Variants in ESF1 observed in about 807,000 individuals in gnomAD.
ESF1 encodes ESF1 homolog.
A neutral mutation model predicts 92.0 loss-of-function variants in ESF1; 58 were observed. The ratio of observed to expected loss-of-function variants is 0.63; its 90% CI spans 0.51 to 0.78. ESF1 has a LOEUF of 0.78. ESF1 is among the 30% of genes least tolerant of loss of function. The pLI, the probability that ESF1 is intolerant of heterozygous loss-of-function variation, is 0.00. For missense variants in ESF1, 922 were observed against 989.1 expected, an observed-to-expected ratio of 0.93 and a Z score of 0.91; for synonymous variants, 321 against 313.7, an observed-to-expected ratio of 1.02 and a Z score of -0.24.
intron 9 of ESF1, among the ~76,000 whole-genome samples, chr20:13,748,574 GTATA>G (rs1433666503): frequency 3.5e-5 from 1 of 28,924 alleles, no homozygotes. Flanking sequence ...ATGTGTGTGT[GTATA>G]TATATATATA....
chr20:13,726,583 C>A (rs145876721), intron 11 of ESF1, among the ~76,000 whole-genome samples: 58 of 152,296 alleles, frequency 3.8e-4, no homozygotes, highest in African/African-American at 1.4e-3. Context: ...TCTTCTATTT[C>A]TTTCCTTGAA....
Position 13,775,240 on chromosome 20 carries a change from C to G in ESF1, c.1066G>C (p.Asp356His). 6.2e-7 allele frequency: 1 copy of G among 1,610,392 alleles called. No individual in the cohort carries two copies. Among genetic ancestry groups the G allele is most frequent in the Non-Finnish European group, 8.5e-7 (1 of 1,178,756 alleles). The change falls in exon 4 of 14, where the codon GAC (aspartate) becomes CAC (histidine). Residue 356 changes from aspartate to histidine, a missense_variant. Asp to His is a moderately conservative substitution (Grantham distance 81). Coordinates refer to ENST00000617257, the MANE Select transcript of ESF1 (RefSeq NM_001276380.2). ...ITRRLAVCNM[D>H]WDRLKAKDLL... ...TCTTTTGCCTTTAATCTATCCCAGT[C>G]CATGTTACAAACTGCTAATCGACGT...
At chr20:13,781,759 TACTC>T (rs1463957173) in intron 2 of ESF1, among the ~76,000 whole-genome samples, 1 of 152,230 alleles carries the variant, frequency 6.6e-6, no homozygotes, top group Non-Finnish European at 1.5e-5. Context: ...GACGACGCCT[TACTC>T]ATATTCTGCC....
intron 9 of ESF1, among the ~76,000 whole-genome samples, chr20:13,746,835 T>C (rs1174231047): frequency 6.6e-6 from 1 of 152,224 alleles, no homozygotes; most frequent in African/African-American, 2.4e-5. Flanking sequence ...TCAAACTTGA[T>C]TTTTCTTCTT....
chr20:13,740,516 T>C (rs1194166937), intron 9 of ESF1, among the ~76,000 whole-genome samples: 3 of 152,148 alleles, frequency 2.0e-5, no homozygotes, highest in Non-Finnish European at 4.4e-5. Context: ...AGTTATCAGA[T>C]TCAGAGTTAG....
intron 8 of ESF1, among the ~76,000 whole-genome samples, chr20:13,764,354 T>A (rs1979334052): frequency 6.6e-6 from 1 of 152,082 alleles, no homozygotes; most frequent in African/African-American, 2.4e-5. Flanking sequence ...GGCAACCAGT[T>A]TCCAAACAGA....
intron 12 of ESF1, among the ~76,000 whole-genome samples, chr20:13,718,253 T>C (rs960721764): frequency 2.6e-5 from 4 of 152,230 alleles, no homozygotes; most frequent in African/African-American, 9.6e-5. Context: ...TCCATAAAAA[T>C]TGATTTTCTT....
chr20:13,732,463 C>T (rs1036624306), intron 10 of ESF1, among the ~76,000 whole-genome samples: 11 of 152,118 alleles, frequency 7.2e-5, no homozygotes, highest in African/African-American at 1.9e-4. Flanking sequence ...TCTCTCTACC[C>T]GTCACAGCAC....
At chr20:13,756,668 T>A (rs2147758149) in intron 9 of ESF1, among the ~76,000 whole-genome samples, 1 of 152,330 alleles carries the variant, frequency 6.6e-6, no homozygotes, top group Non-Finnish European at 1.5e-5. Context: ...CACTGGTAGT[T>A]TTAACAGCTT....
Position 13,714,955 on chromosome 20 carries a change from A to G in ESF1, c.2475T>C (p.Asp825=). 1 of 1,613,988 alleles carries G rather than the reference A, an allele frequency of 6.2e-7. No homozygotes were observed. The highest frequency in any genetic ancestry group is 8.5e-7 in the Non-Finnish European group (1 of 1,179,900). ...ATTTAATCAACATTGACAAAGCAGG[A>G]TCAATGGACTTCCTTTGTGATTCCT... The part of the protein sequence containing the change: ...IEKESQRKSI[D]PALSMLIKSI... Residue 825 remains aspartate, a synonymous_variant, in exon 14 of 14, where the codon GAT becomes GAC. Transcript: ENST00000617257.
rs114017744 is a variant in ESF1, at chr20:13,740,176, T to C, written c.1829-6334A>G. Reference sequence around the variant, plus strand: ...AGTGCCCTCAGGCATCTGGCAAATATTTTTTAAAAGAAGTACTTTTGACAC... The same window carrying C: ...AGTGCCCTCAGGCATCTGGCAAATACTTTTTAAAAGAAGTACTTTTGACAC... On this transcript the variant is annotated intron_variant, in intron 9 of 13. Coordinates refer to ENST00000617257, the MANE Select transcript of ESF1 (RefSeq NM_001276380.2). 1.3e-3 allele frequency among the ~76,000 whole-genome samples: 202 copies of C among 152,288 alleles called. 1 individual carries two copies. Among genetic ancestry groups the C allele is most frequent in the African/African-American group, 4.5e-3 (189 of 41,540 alleles).
Position 13,772,544 on chromosome 20 carries a change from A to C in ESF1, c.1221T>G (p.Ser407Arg). 6.2e-7 allele frequency: 1 copy of C among 1,612,690 alleles called. No individual in the cohort carries two copies. The highest frequency in any genetic ancestry group is 1.1e-5 in the South Asian group (1 of 91,056). ...EQVQGPVELL[S>R]IPEDAPEKDW... Reference sequence around the variant, plus strand: ...CTTTTTCTGGGGCATCTTCAGGAATACTTAATAGCTCTACTGGTCCTTGAA... The same window carrying C: ...CTTTTTCTGGGGCATCTTCAGGAATCCTTAATAGCTCTACTGGTCCTTGAA... Residue 407 changes from serine (S) to arginine (R), a missense_variant, in exon 5 of 14, where the codon AGT becomes AGG. Ser to Arg is a moderately radical substitution (Grantham distance 110). Transcript: ENST00000617257.
chr20:13,745,483 G>A (rs904277887), intron 9 of ESF1, among the ~76,000 whole-genome samples: 2 of 152,130 alleles, frequency 1.3e-5, no homozygotes, highest in East Asian at 1.9e-4. Context: ...ATGGAGTCTC[G>A]CTCTGTGGCC....
intron 2 of ESF1, among the ~76,000 whole-genome samples, chr20:13,779,459 C>G (rs1980085484): frequency 6.6e-6 from 1 of 152,134 alleles, no homozygotes; most frequent in Non-Finnish European, 1.5e-5. Flanking sequence ...ATTTTGGAAC[C>G]TATTTTTAAA....
chr20:13,734,155 T>C (rs2049961855), intron 9 of ESF1, among the ~76,000 whole-genome samples: 2 of 152,216 alleles, frequency 1.3e-5, no homozygotes, highest in Non-Finnish European at 2.9e-5. Context: ...CAGCCTTCAT[T>C]TCTCTAAACT....
chr20:13,716,253 A>C (rs536549658), intron 13 of ESF1, among the ~76,000 whole-genome samples: 1 of 152,148 alleles, frequency 6.6e-6, no homozygotes, highest in Admixed American at 6.5e-5. Flanking sequence ...TAGACGGCTC[A>C]AACTCATGCT....
chr20:13,727,228 C>T (rs1365826588), intron 11 of ESF1, among the ~76,000 whole-genome samples: 1 of 152,170 alleles, frequency 6.6e-6, no homozygotes, highest in Non-Finnish European at 1.5e-5. Context: ...GAGGATAAGG[C>T]TAAAATCCAT....
At position 13,766,929 on chromosome 20, in the gene ESF1, C is replaced by T; in HGVS notation, c.1519-5G>A. The T allele has an allele frequency of 6.2e-7, 1 of 1,604,632 alleles. No homozygotes were observed. Among genetic ancestry groups the T allele is most frequent in the Middle Eastern group, 1.7e-4 (1 of 6,014 alleles). Reference sequence around the variant, plus strand: ...CTCATCCCAAGTGATTTCCACCTTTCACCAACAAATAAGAAAAAATAACAC... The same window carrying T: ...CTCATCCCAAGTGATTTCCACCTTTTACCAACAAATAAGAAAAAATAACAC... On this transcript the variant is annotated splice_region_variant and splice_polypyrimidine_tract_variant and intron_variant, in intron 7 of 13. Transcript: ENST00000617257.
chr20:13,756,996 T>C (rs1369716348), intron 9 of ESF1, among the ~76,000 whole-genome samples: 1 of 152,124 alleles, frequency 6.6e-6, no homozygotes, highest in African/African-American at 2.4e-5. Context: ...TTTTTTTCAA[T>C]GTTATAAGTC....
Sources: gnomAD v4.1 joint callset for allele counts (sites outside exome capture counted in the v4.1 genomes callset) on GRCh38, gnomAD v4.1.1 for gene constraint, MANE v1.5 for transcripts, NCBI Gene and HGNC (gene_info 2026-07-23, HGNC 2026-07-21) for gene names.